Variants in MID2 observed in about 807,000 individuals in gnomAD.
MID2 encodes probable E3 ubiquitin-protein ligase MID2.
A neutral mutation model predicts 46.1 loss-of-function variants in MID2; 13 were observed. The ratio of observed to expected loss-of-function variants is 0.28; its 90% CI spans 0.18 to 0.45. The LOEUF (loss-of-function observed/expected upper bound fraction) is 0.45. Ranked by LOEUF, MID2 falls within the 20% of genes least tolerant of loss-of-function variation. The pLI is 1.00. For missense variants in MID2, 431 were observed against 575.4 expected (o/e 0.75, Z 2.57); for synonymous variants, 199 against 212.3 (o/e 0.94, Z 0.55).
intron 3 of MID2, among the ~76,000 whole-genome samples, chrX:107,862,755 A>C (rs1267982717): frequency 8.9e-6 from 1 of 112,129 alleles, no homozygotes; most frequent in Non-Finnish European, 1.9e-5. Context: ...GAGTTCTATA[A>C]TTTTGTATTT....
intron 3 of MID2, among the ~76,000 whole-genome samples, chrX:107,901,733 GT>G (rs1489902280): frequency 1.8e-5 from 2 of 111,419 alleles, no homozygotes; most frequent in East Asian, 5.7e-4. Flanking sequence ...TCAATTGCTT[GT>G]GTCCAAGCAA....
At chrX:107,862,996 G>T (rs1240272775) in intron 3 of MID2, among the ~76,000 whole-genome samples, 1 of 111,806 alleles carries the variant, frequency 8.9e-6, no homozygotes, top group African/African-American at 3.2e-5. Context: ...TTATACTACT[G>T]TAGTGACTAA....
chrX:107,827,872 A>AT (rs1225130754), intron 1 of MID2, among the ~76,000 whole-genome samples: 5 of 110,868 alleles, frequency 4.5e-5, no homozygotes, highest in East Asian at 5.6e-4. Context: ...TGTGAATTAG[A>AT]TTTTTCCTGG....
intron 5 of MID2, among the ~76,000 whole-genome samples, chrX:107,908,014 A>G (rs1165728651): frequency 1.8e-5 from 2 of 112,169 alleles, no homozygotes; most frequent in African/African-American, 3.2e-5. Flanking sequence ...AACGATGTTC[A>G]GAGAGGTTAA....
rs747222924 is a variant in MID2, at chrX:107,905,520, C to T, written c.967C>T (p.Arg323Cys). The change falls in exon 5 of 10, where the codon CGC (arginine) becomes TGC (cysteine). Residue 323 changes from arginine to cysteine, a missense_variant. By Grantham distance (180) the Arg-to-Cys change is radical (BLOSUM62 -3). Transcript: ENST00000262843. ...RKLAQQVANC[R>C]QCLERSTVLI... ...GTTGGCACAGCAGGTTGCTAATTGC[C>T]GCCAGTGTCTTGAACGGTCAACAGT... 2.5e-6 allele frequency: 3 copies of T among 1,204,629 alleles called. No individual in the cohort carries two copies. Among genetic ancestry groups the T allele is most frequent in the South Asian group, 3.6e-5 (2 of 55,718 alleles).
Position 107,872,290 on chromosome X carries a change from A to G in MID2, c.816+17586A>G, listed in dbSNP as rs138403973. ...AGGGTTAAGTATGCATGGACCAAATATATGTCCAAAGAGGAGTTAAAAGGA... is the reference window on the plus strand; with the variant it reads ...AGGGTTAAGTATGCATGGACCAAATGTATGTCCAAAGAGGAGTTAAAAGGA... On this transcript the variant is annotated intron_variant, in intron 3 of 9. Coordinates refer to ENST00000262843, the MANE Select transcript of MID2 (RefSeq NM_012216.4). 8.9e-5 allele frequency among the ~76,000 whole-genome samples: 10 copies of G among 112,299 alleles called. No homozygotes were observed. The East Asian group carries it at 2.8e-3, about 31-fold the overall frequency.
At chrX:107,867,597 T>G (rs1475140448) in intron 3 of MID2, among the ~76,000 whole-genome samples, 1 of 111,843 alleles carries the variant, frequency 8.9e-6, no homozygotes, top group Non-Finnish European at 1.9e-5. Flanking sequence ...AGGCACTCAA[T>G]GTATATTTGT....
chrX:107,876,088 C>T lies in MID2; in HGVS notation c.816+21384C>T, dbSNP rs755031599. ...AGGTGGCTTCCTCATGCTGCCTTGG[C>T]AATCCTTTCTAAAATGTCCTGGCAT... On this transcript the variant is annotated intron_variant, in intron 3 of 9. Coordinates refer to ENST00000262843, the MANE Select transcript of MID2 (RefSeq NM_012216.4). Among the ~76,000 whole-genome samples, 10 of 111,735 alleles carry T rather than the reference C, an allele frequency of 8.9e-5. No individual in the cohort carries two copies. The East Asian group carries it at 2.5e-3, about 28-fold the overall frequency.
intron 1 of MID2, among the ~76,000 whole-genome samples, chrX:107,828,221 G>A (rs1930998294): frequency 1.8e-5 from 2 of 110,633 alleles, no homozygotes; most frequent in African/African-American, 6.6e-5. Flanking sequence ...GTCCTCCCTA[G>A]AAGCAGATGC....
chrX:107,916,311 T>C (rs943293313), intron 6 of MID2, among the ~76,000 whole-genome samples, 182 bp downstream of exon 6: 5 of 112,586 alleles, frequency 4.4e-5, no homozygotes, highest in Non-Finnish European at 9.4e-5. Context: ...AGATGATTTA[T>C]GATTTGTTAA....
chrX:107,910,917 G>A (rs745710714), intron 5 of MID2, among the ~76,000 whole-genome samples: 5 of 87,779 alleles, frequency 5.7e-5, no homozygotes, highest in South Asian at 6.7e-4. Context: ...GCAGTGGCAC[G>A]ATCTCAGCTC....
chrX:107,842,416 G>A (rs1931367482), intron 2 of MID2, among the ~76,000 whole-genome samples: 1 of 112,035 alleles, frequency 8.9e-6, no homozygotes, highest in Non-Finnish European at 1.9e-5. Flanking sequence ...TAAACGGATA[G>A]TAAAATTACC....
chrX:107,843,853 A>G (rs1254214195), intron 2 of MID2, among the ~76,000 whole-genome samples: 4 of 110,466 alleles, frequency 3.6e-5, no homozygotes, highest in Non-Finnish European at 7.6e-5. Context: ...CCAAGGAGAA[A>G]GGGAGAAAGT....
intron 2 of MID2, among the ~76,000 whole-genome samples, chrX:107,842,876 T>C (rs1931380082): frequency 8.9e-6 from 1 of 111,958 alleles, no homozygotes; most frequent in African/African-American, 3.2e-5. Context: ...ATAGATGAAG[T>C]GACTTGGTCA....
chrX:107,890,213 G>A (rs944424519), intron 3 of MID2, among the ~76,000 whole-genome samples: 1 of 111,936 alleles, frequency 8.9e-6, no homozygotes, highest in Non-Finnish European at 1.9e-5. Flanking sequence ...AGAGTTTCCA[G>A]TTTTTCTGCT....
intron 1 of MID2, among the ~76,000 whole-genome samples, chrX:107,837,025 G>A (rs1244877791): frequency 9.0e-6 from 1 of 111,266 alleles, no homozygotes. Flanking sequence ...ATGCATATAT[G>A]ACATACAAAC....
At chrX:107,841,837 G>T (rs894248259) in intron 2 of MID2, among the ~76,000 whole-genome samples, 3 of 112,192 alleles carry the variant, frequency 2.7e-5, no homozygotes, top group African/African-American at 9.7e-5. Context: ...GGTGGAGGTG[G>T]CTGAGTGTAT....
Position 107,841,002 on chromosome X carries a change from G to C in MID2, c.337G>C (p.Gly113Arg). The change falls in exon 2 of 10, where the codon GGG becomes CGG. Residue 113 changes from glycine to arginine, a missense_variant. By Grantham distance (125) the Gly-to-Arg change is moderately radical. Transcript: ENST00000262843. ...TCGCTTCCAGAAGGCTTCAGTCAGT[G>C]GGCCCAATTCCCCTAGTGAGAGCCG... ...IDRFQKASVS[G>R]PNSPSESRRE... 5.0e-6 allele frequency: 6 copies of C among 1,211,587 alleles called. No individual in the cohort carries two copies. The highest frequency in any genetic ancestry group is 6.7e-6 in the Non-Finnish European group (6 of 895,412).
Position 107,872,666 on chromosome X carries a change from C to T in MID2, c.816+17962C>T, listed in dbSNP as rs189358420. On this transcript the variant is annotated intron_variant, in intron 3 of 9. Coordinates refer to ENST00000262843, the MANE Select transcript of MID2 (RefSeq NM_012216.4). ...GAAGTATAATCCCTCCCAATCTGGG[C>T]TTATAGAGGGAGAAAGGGAAGCAAG... Among the ~76,000 whole-genome samples, 223 of 111,770 alleles carry T rather than the reference C, an allele frequency of 2.0e-3. 1 individual carries two copies. The highest frequency in any genetic ancestry group is 0.02 in the Admixed American group (210 of 10,621).
Sources: allele counts gnomAD v4.1 joint callset (sites outside exome capture counted in the v4.1 genomes callset), GRCh38; gene constraint gnomAD v4.1.1; transcripts MANE v1.5; gene names NCBI Gene and HGNC (gene_info 2026-07-23, HGNC 2026-07-21).